The following AMDHD1 variants were observed in gnomAD, a reference collection of about 807,000 sequenced individuals.
The protein encoded by AMDHD1 is amidohydrolase domain containing 1.
Under a neutral mutation model 44.1 loss-of-function variants are expected in AMDHD1, and 45 were observed. The observed-to-expected ratio is 1.02, with a 90% CI of 0.80 to 1.31. The LOEUF (loss-of-function observed/expected upper bound fraction) is 1.31, where lower values mean the gene tolerates loss of function less well. Among genes scored for constraint, AMDHD1 ranks in the 50% most tolerant of loss-of-function variants. The pLI is 0.00. For missense variants in AMDHD1, 586 were observed against 552.1 expected (o/e 1.06, Z -0.61); for synonymous variants, 206 against 205.0 (o/e 1.00, Z -0.04).
At chr12:95,961,526 A>T (rs2080581456) in intron 5 of AMDHD1, among the ~76,000 whole-genome samples, 1 of 152,242 alleles carries the variant, frequency 6.6e-6, no homozygotes, top group Non-Finnish European at 1.5e-5. Flanking sequence ...CCCTTGGGGC[A>T]TAAATACAGA....
Position 95,962,359 on chromosome 12 carries a change from G to A in AMDHD1, c.818G>A (p.Gly273Glu), listed in dbSNP as rs990983689. 39 of 1,613,120 alleles carry A rather than the reference G, an allele frequency of 2.4e-5. No individual in the cohort carries two copies. The highest frequency in any genetic ancestry group is 3.3e-5 in the Non-Finnish European group (39 of 1,179,556). The change falls in exon 6 of 9, where the codon GGG becomes GAG. Residue 273 changes from glycine (G) to glutamate (E), a missense_variant. Coordinates refer to ENST00000266736, the MANE Select transcript of AMDHD1 (RefSeq NM_152435.3). ...CTCTCTGCCCATTCTCCTTAGCTTG[G>A]GGCTGAACTGGGAGCGCAGGCAATC... is the stretch of plus-strand genomic sequence containing the variant. ...ELHPMKAAELGAELGAQAISH... is the reference protein window; with the variant it reads ...ELHPMKAAELEAELGAQAISH...
intron 5 of AMDHD1, among the ~76,000 whole-genome samples, chr12:95,962,063 C>G (rs569800222): frequency 6.6e-6 from 1 of 152,260 alleles, no homozygotes; most frequent in African/African-American, 2.4e-5. Context: ...GTCAAGAGAT[C>G]CAGACTATCC....
Position 95,947,823 on chromosome 12 carries a change from C to T in AMDHD1, c.137+4288C>T, listed in dbSNP as rs1227207268. On this transcript the variant is annotated intron_variant, in intron 1 of 8. Coordinates refer to ENST00000266736, the MANE Select transcript of AMDHD1 (RefSeq NM_152435.3). ...TCCGGGAGGGAGGTGGGGGGGTCAG[C>T]GCCCCGCCCGGCCAGCCGCCCCGTC... Among the ~76,000 whole-genome samples, 696 of 86,126 alleles carry T rather than the reference C, an allele frequency of 8.1e-3. 1 individual carries two copies. Among genetic ancestry groups the T allele is most frequent in the African/African-American group, 0.02 (416 of 20,442 alleles). The allele number at this position is 86,126 out of a possible 152,430, so 56.5% of individuals were successfully genotyped here.
intron 1 of AMDHD1, among the ~76,000 whole-genome samples, chr12:95,949,160 G>GAAAAAAAAAAAAAA (rs1358481972): frequency 3.9e-5 from 4 of 101,774 alleles, no homozygotes; most frequent in Non-Finnish European, 6.7e-5. Context: ...AAAAAAAAAA[G>GAAAAAAAAAAAAAA]AAAAAAAAAA....
At chr12:95,957,914 G>T (rs544848532) in intron 4 of AMDHD1, among the ~76,000 whole-genome samples, 86 of 152,194 alleles carry the variant, frequency 5.7e-4, no homozygotes, top group African/African-American at 1.9e-3. Flanking sequence ...TTAGCGAGGC[G>T]TGGTGGCCCA....
Position 95,954,910 on chromosome 12 carries a change from G to C in AMDHD1, c.245-1G>C, listed in dbSNP as rs998164456. On this transcript the variant is annotated splice_acceptor_variant, in intron 2 of 8. Transcript: ENST00000266736. LOFTEE classifies it high-confidence loss of function. ...AAGATAACTTGATTTATTGATTATA[G>C]GTTTGGTGGATGCACACACACATCC... is the stretch of plus-strand genomic sequence containing the variant. The C allele has an allele frequency of 2.5e-6, 4 of 1,613,864 alleles. No individual in the cohort carries two copies. Among genetic ancestry groups the C allele is most frequent in the Non-Finnish European group, 3.4e-6 (4 of 1,179,920 alleles).
chr12:95,947,949 G>T (rs2080506177), intron 1 of AMDHD1, among the ~76,000 whole-genome samples: 2 of 130,316 alleles, frequency 1.5e-5, no homozygotes, highest in South Asian at 2.6e-4. Flanking sequence ...GGGGGGGTCA[G>T]CCCCCCGCCC....
chr12:95,967,914 C>G lies in AMDHD1; in HGVS notation c.*71C>G. The G allele has an allele frequency of 9.9e-7, 1 of 1,011,768 alleles. No individual in the cohort carries two copies. The highest frequency in any genetic ancestry group is 1.4e-6 in the Non-Finnish European group (1 of 693,866). 62.7% of individuals were successfully genotyped at this position (1,011,768 alleles called of 1,614,324 possible). A position where few individuals can be genotyped will look rare whatever the true frequency, so the allele number is the denominator to read the frequency against. ...TATAGTTATATTAAAAGTTAAAACA[C>G]CTTAATATTTACAAGAATTATATCA... is the stretch of plus-strand genomic sequence containing the variant. On this transcript the variant is annotated 3_prime_UTR_variant, in exon 9 of 9. Transcript: ENST00000266736.
At chr12:95,944,305 A>C (rs748326855) in intron 1 of AMDHD1, among the ~76,000 whole-genome samples, 1 of 151,758 alleles carries the variant, frequency 6.6e-6, no homozygotes, top group Non-Finnish European at 1.5e-5. Context: ...CCCAGCTTTT[A>C]AGGGACTGTG....
intron 4 of AMDHD1, 75 bp downstream of exon 4, chr12:95,957,037 C>A: frequency 6.4e-7 from 1 of 1,568,290 alleles, no homozygotes. Flanking sequence ...GGCGCATTAG[C>A]ACTTTAGCTC....
intron 1 of AMDHD1, among the ~76,000 whole-genome samples, chr12:95,946,483 T>C (rs967741370): frequency 2.6e-5 from 4 of 151,992 alleles, no homozygotes; most frequent in African/African-American, 7.2e-5. Flanking sequence ...CAAAGTCTAC[T>C]GGGAAACAAG....
At chr12:95,950,089 C>T (rs2080519640) in intron 1 of AMDHD1, among the ~76,000 whole-genome samples, 1 of 152,194 alleles carries the variant, frequency 6.6e-6, no homozygotes, top group Admixed American at 6.5e-5. Context: ...TAACTCTTTG[C>T]ATAAGAGCAT....
intron 1 of AMDHD1, among the ~76,000 whole-genome samples, chr12:95,946,057 C>CTG (rs1316926536): frequency 2.8e-5 from 3 of 107,900 alleles, no homozygotes; most frequent in Non-Finnish European, 6.5e-5. Flanking sequence ...CTCTCTCTTT[C>CTG]TCTCTGTGTG....
rs764067452 is a variant in AMDHD1, at chr12:95,968,007, C to T, written c.*164C>T. ...AAAACCCAAGGGATAGATTTATTTT[C>T]ATTTAACACATGCATTTGACATATA... On this transcript the variant is annotated 3_prime_UTR_variant, in exon 9 of 9. Transcript: ENST00000266736. The T allele has an allele frequency of 2.6e-4, 133 of 509,854 alleles. 1 individual carries two copies. Among genetic ancestry groups the T allele is most frequent in the Middle Eastern group, 5.2e-4 (1 of 1,928 alleles). 31.6% of individuals were successfully genotyped at this position (509,854 alleles called of 1,614,324 possible).
chr12:95,955,085 T>G (rs555577080), intron 3 of AMDHD1, 110 bp downstream of exon 3: 1 of 1,078,996 alleles, frequency 9.3e-7, no homozygotes, highest in South Asian at 1.4e-5. Context: ...TATTTTTTAA[T>G]GGATATTTTT....
At chr12:95,960,890 A>G (rs2043607) in intron 5 of AMDHD1, among the ~76,000 whole-genome samples, 81,261 of 151,896 alleles carry the variant, frequency 0.53, 22,357 homozygotes, top group African/African-American at 0.66. Context: ...GGTAGCTCAC[A>G]CCTGTAATCC....
chr12:95,964,620 A>G (rs1304268590), intron 6 of AMDHD1, among the ~76,000 whole-genome samples: 2 of 152,048 alleles, frequency 1.3e-5, no homozygotes, highest in African/African-American at 4.8e-5. Context: ...CGTTGTTGAA[A>G]AACATTTTAA....
chr12:95,947,849 T>C (rs1424073096), intron 1 of AMDHD1, among the ~76,000 whole-genome samples: 5 of 72,570 alleles, frequency 6.9e-5, no homozygotes, highest in South Asian at 5.7e-4. Flanking sequence ...CCGCCCCGTC[T>C]GGGAGGTGAG....
At chr12:95,959,734 G>T (rs534853149) in intron 4 of AMDHD1, among the ~76,000 whole-genome samples, 3 of 150,940 alleles carry the variant, frequency 2.0e-5, no homozygotes, top group Non-Finnish European at 2.9e-5. Context: ...CCACAGGTGG[G>T]TCATCAGGGG....
Sources: gnomAD v4.1 joint callset for allele counts (sites outside exome capture counted in the v4.1 genomes callset) on GRCh38, gnomAD v4.1.1 for gene constraint, MANE v1.5 for transcripts, NCBI Gene and HGNC (gene_info 2026-07-23, HGNC 2026-07-21) for gene names.